BCL9L: variants seen among roughly 807,000 people sequenced by gnomAD.
The protein encoded by BCL9L is B-cell CLL/lymphoma 9-like protein.
In BCL9L, 19 loss-of-function variants were observed where a neutral mutation model predicts 99.4. That is an observed-to-expected ratio of 0.19 (90% CI 0.13 to 0.28). The LOEUF is 0.28. Ranked by LOEUF, BCL9L falls within the 10% of genes least tolerant of loss-of-function variation. BCL9L has a pLI of 1.00. For missense variants in BCL9L, 2,023 were observed against 2,101.6 expected (o/e 0.96, Z 0.73); for synonymous variants, 900 against 854.8 (o/e 1.05, Z -0.92).
At chr11:118,899,862 C>T (rs546338886) in intron 9 of BCL9L, 55 bp downstream of exon 9, 20 of 1,562,248 alleles carry the variant, frequency 1.3e-5, no homozygotes, top group South Asian at 1.0e-4. Flanking sequence ...CTGTGCTCCC[C>T]GCTCCCAGTG....
chr11:118,918,171 T>A (rs1397398875), intron 2 of BCL9L, among the ~76,000 whole-genome samples: 1 of 152,152 alleles, frequency 6.6e-6, no homozygotes, highest in Admixed American at 6.5e-5. Flanking sequence ...CCTCCAGCTT[T>A]CCCTAGTCGA....
rs746801390 is a variant in BCL9L at position 118,908,361 on chromosome 11, G to C, written c.321C>G (p.Leu107=). The C allele has an allele frequency of 1.2e-6, 2 of 1,613,494 alleles. No homozygotes were observed. The highest frequency in any genetic ancestry group is 8.5e-7 in the Non-Finnish European group (1 of 1,179,644). ...TCCGGTCCCTCTTCACCTTGCCCTT[G>C]AGCGAGCTGAAAGGGGGCACCCCTG... ...PQAGVPPFSS[L]KGKVKRDRSV... The change falls in exon 4 of 10, where the codon CTC becomes CTG. Residue 107 remains leucine, a synonymous_variant. Transcript: ENST00000683865.
chr11:118,904,426 C>G (rs906342090), intron 5 of BCL9L, among the ~76,000 whole-genome samples: 1 of 151,866 alleles, frequency 6.6e-6, no homozygotes. Flanking sequence ...GGCGACAGAG[C>G]GAGACTGTCT....
rs780259853 is a variant in BCL9L at position 118,902,953 on chromosome 11, C to T, written c.834+37G>A. 1.3e-6 allele frequency: 2 copies of T among 1,595,140 alleles called. No individual in the cohort carries two copies. Among genetic ancestry groups the T allele is most frequent in the Non-Finnish European group, 1.7e-6 (2 of 1,176,054 alleles). ...GCATGAGACAGGTAAGGGGACGTTC[C>T]ACCCAGTCCTGCTGCTCACAGAGGC... On this transcript the variant is annotated intron_variant, in intron 7 of 9. Coordinates refer to ENST00000683865, the MANE Select transcript of BCL9L (RefSeq NM_001378213.1). This position sits in a 1 kb window ranked among gnomAD's most constrained non-coding sequence, Gnocchi z 7.8.
intron 2 of BCL9L, 82 bp downstream of exon 2, chr11:118,918,743 AG>A (rs1187381223): frequency 1.3e-5 from 2 of 152,150 alleles, no homozygotes; most frequent in African/African-American, 4.8e-5. Flanking sequence ...GCCAAGCAGG[AG>A]GCTAAGCCAG....
chr11:118,906,374 G>C (rs886756400), intron 5 of BCL9L, among the ~76,000 whole-genome samples: 1 of 152,160 alleles, frequency 6.6e-6, no homozygotes, highest in African/African-American at 2.4e-5. Flanking sequence ...ACGGGGGAGA[G>C]AGAACTGATA....
Position 118,899,214 on chromosome 11 carries a change from T to C in BCL9L, c.3701A>G (p.Gln1234Arg). ...QMMPFPPRLQ[Q>R]PHGAMAPTGG... ...AGTGGGGGCCATGGCACCATGGGGC[T>C]GCTGCAGCCGAGGGGGGAAGGGCAT... is the stretch of plus-strand genomic sequence containing the variant. The change falls in exon 10 of 10, where the codon CAG becomes CGG. Residue 1234 changes from glutamine to arginine, a missense_variant. By Grantham distance (43) the Gln-to-Arg change is conservative. Around this residue, in one of 3 missense-constraint regions of BCL9L, gnomAD observed 902 missense variants for 888.2 expected, o/e 1.02. Coordinates refer to ENST00000683865, the MANE Select transcript of BCL9L (RefSeq NM_001378213.1). 1 of 1,502,658 alleles carries C rather than the reference T, an allele frequency of 6.7e-7. No individual in the cohort carries two copies. The highest frequency in any genetic ancestry group is 8.9e-7 in the Non-Finnish European group (1 of 1,126,602). The allele number at this position is 1,502,658 out of a possible 1,614,324, so 93.1% of individuals were successfully genotyped here.
chr11:118,906,938 A>T (rs1940547226), intron 5 of BCL9L, among the ~76,000 whole-genome samples: 1 of 152,146 alleles, frequency 6.6e-6, no homozygotes, highest in African/African-American at 2.4e-5. Context: ...CTCCCCCATC[A>T]CTCATGGAAG....
rs1940262747 is a variant in BCL9L, at chr11:118,901,923, T to C, written c.1820A>G (p.Gln607Arg). ...CCCAAACCCAGGTACCCGTTGTATC[T>C]GGTTGCCTGGGAAACGGGGCCCAGG... The part of the protein sequence containing the change: ...PFPGPRFPGN[Q>R]IQRVPGFGGM... The change falls in exon 8 of 10, where the codon CAG (glutamine) becomes CGG (arginine). Residue 607 changes from glutamine to arginine, a missense_variant. Physicochemically the swap from Gln to Arg is conservative, Grantham distance 43. Transcript: ENST00000683865. This position sits in a 1 kb window ranked among gnomAD's most constrained non-coding sequence, Gnocchi z 6.6. The C allele has an allele frequency of 6.2e-7, 1 of 1,613,502 alleles. No homozygotes were observed. Among genetic ancestry groups the C allele is most frequent in the East Asian group, 2.2e-5 (1 of 44,860 alleles).
Position 118,897,473 on chromosome 11 carries a change from C to A in BCL9L, c.*942G>T, listed in dbSNP as rs189845413. ...ACCGGTGTGGGCAAACACACATGCA[C>A]GTGCACACATGTTCTCCCTGAATCA... is the stretch of plus-strand genomic sequence containing the variant. On this transcript the variant is annotated 3_prime_UTR_variant, in exon 10 of 10. Coordinates refer to ENST00000683865, the MANE Select transcript of BCL9L (RefSeq NM_001378213.1). 2.8e-4 allele frequency: 85 copies of A among 300,254 alleles called. 3 individuals are homozygous for A. The East Asian group carries it at 7.7e-3, about 27-fold the overall frequency. 18.6% of individuals were successfully genotyped at this position (300,254 alleles called of 1,614,324 possible). A position where few individuals can be genotyped will look rare whatever the true frequency, so the allele number is the denominator to read the frequency against.
In BCL9L at chr11:118,913,705, C is replaced by T. The variant is rs566260353; in HGVS notation, c.-76-3690G>A. 2.7e-5 allele frequency among the ~76,000 whole-genome samples: 4 copies of T among 149,898 alleles called. No individual in the cohort carries two copies. The East Asian group carries it at 6.0e-4, about 22-fold the overall frequency. Reference sequence around the variant, plus strand: ...CCGCCCACCCCACCCGCCCAAGGCTCTGGGAGAGAGGAGTGCCAAAAGCTT... The same window carrying T: ...CCGCCCACCCCACCCGCCCAAGGCTTTGGGAGAGAGGAGTGCCAAAAGCTT... On this transcript the variant is annotated intron_variant, in intron 2 of 9. Coordinates refer to ENST00000683865, the MANE Select transcript of BCL9L (RefSeq NM_001378213.1).
chr11:118,898,177 G>A lies in BCL9L; in HGVS notation c.*238C>T, dbSNP rs1346255569. ...TAGGAATTGGGAGGAGTGGGGGAGGGGCAGTCCTGGTGGCCGAAATGGAAC... is the reference window on the plus strand; with the variant it reads ...TAGGAATTGGGAGGAGTGGGGGAGGAGCAGTCCTGGTGGCCGAAATGGAAC... On this transcript the variant is annotated 3_prime_UTR_variant, in exon 10 of 10. Coordinates refer to ENST00000683865, the MANE Select transcript of BCL9L (RefSeq NM_001378213.1). 1.8e-5 allele frequency: 11 copies of A among 600,838 alleles called. No individual in the cohort carries two copies. The highest frequency in any genetic ancestry group is 1.4e-4 in the East Asian group (5 of 35,286). The allele number at this position is 600,838 out of a possible 1,614,324, so 37.2% of individuals were successfully genotyped here. A position where few individuals can be genotyped will look rare whatever the true frequency, so the allele number is the denominator to read the frequency against.
chr11:118,911,357 G>T (rs1940791142), intron 2 of BCL9L: 3 of 437,982 alleles, frequency 6.8e-6, no homozygotes, highest in African/African-American at 6.0e-5. Flanking sequence ...GGGGTGAGGG[G>T]GCCCCACCTG....
In BCL9L at chr11:118,900,856, G is replaced by A; in HGVS notation, c.2887C>T (p.Pro963Ser). 1.2e-6 allele frequency: 2 copies of A among 1,612,150 alleles called. No individual in the cohort carries two copies. Among genetic ancestry groups the A allele is most frequent in the Middle Eastern group, 1.7e-4 (1 of 6,052 alleles). ...CCTGGCGGGTTGGCAGAAGGCAAGG[G>A]CACCATCTGTGAGGGAGTCTGGGGT... ...KSPQTPSQMV[P>S]LPSANPPGPL... Residue 963 changes from proline to serine, a missense_variant, in exon 8 of 10, where the codon CCC becomes TCC. Around this residue, in one of 3 missense-constraint regions of BCL9L, gnomAD observed 902 missense variants for 888.2 expected, o/e 1.02. Coordinates refer to ENST00000683865, the MANE Select transcript of BCL9L (RefSeq NM_001378213.1). The surrounding 1 kb of genome is among the most constrained non-coding windows in gnomAD (Gnocchi z 5.3).
At position 118,903,421 on chromosome 11, in the gene BCL9L, G is replaced by A; in HGVS notation, c.564C>T (p.Ala188=). 4 of 1,613,144 alleles carry A rather than the reference G, an allele frequency of 2.5e-6. No homozygotes were observed. The highest frequency in any genetic ancestry group is 3.4e-6 in the Non-Finnish European group (4 of 1,179,652). Reference sequence around the variant, plus strand: ...TGGTTTGGCCGGGACCCAGCTGTGGGGCCGCCATGGCTGGGTCTGCTACAT... The same window carrying A: ...TGGTTTGGCCGGGACCCAGCTGTGGAGCCGCCATGGCTGGGTCTGCTACAT... The part of the protein sequence containing the change: ...NCNVADPAMA[A]PQLGPGQTTQ... Residue 188 remains alanine, a synonymous_variant, in exon 6 of 10, where the codon GCC becomes GCT. Coordinates refer to ENST00000683865, the MANE Select transcript of BCL9L (RefSeq NM_001378213.1). This position sits in a 1 kb window ranked among gnomAD's most constrained non-coding sequence, Gnocchi z 5.6.
At chr11:118,907,742 C>T (rs1940587109) in intron 4 of BCL9L, 140 bp from the exon 5 acceptor site, 1 of 1,308,800 alleles carries the variant, frequency 7.6e-7, no homozygotes, top group Non-Finnish European at 1.0e-6. Flanking sequence ...ACTTCGCCAG[C>T]CCGTGGCCCC....
intron 2 of BCL9L, among the ~76,000 whole-genome samples, chr11:118,915,956 C>A (rs1156785233): frequency 6.6e-6 from 1 of 152,198 alleles, no homozygotes; most frequent in African/African-American, 2.4e-5. Flanking sequence ...CCAGCAGGAC[C>A]CACTGATCGG....
In BCL9L at chr11:118,922,204, C is replaced by T. The variant is rs1220965152; in HGVS notation, c.-131+3034G>A. On this transcript the variant is annotated intron_variant, in intron 1 of 9. Coordinates refer to ENST00000683865, the MANE Select transcript of BCL9L (RefSeq NM_001378213.1). The surrounding 1 kb of genome is among the most constrained non-coding windows in gnomAD (Gnocchi z 6.2). ...CTGGGGGTGGGGCTCAGAGGCCTGG[C>T]CCTGGCACCAGGCAGAGGAAATTCC... Among the ~76,000 whole-genome samples, 1 of 152,192 alleles carries T rather than the reference C, an allele frequency of 6.6e-6. No homozygotes were observed. Among genetic ancestry groups the T allele is most frequent in the Non-Finnish European group, 1.5e-5 (1 of 68,012 alleles).
chr11:118,908,771 TG>T (rs1322955925), intron 3 of BCL9L, 116 bp from the exon 4 acceptor site: 1 of 817,314 alleles, frequency 1.2e-6, no homozygotes, highest in Admixed American at 2.7e-5. Flanking sequence ...GGGGAAGGGG[TG>T]GTATCTCAAG....
Sources: allele counts gnomAD v4.1 joint callset (sites outside exome capture counted in the v4.1 genomes callset), GRCh38; gene constraint gnomAD v4.1.1; regional missense constraint gnomAD v4.1.1; non-coding constraint Gnocchi (gnomAD v3.1); transcripts MANE v1.5; gene names NCBI Gene and HGNC (gene_info 2026-07-23, HGNC 2026-07-21).